Variants in LY9 observed in about 807,000 individuals in gnomAD.
The protein encoded by LY9 is lymphocyte antigen 9.
In LY9, 59 loss-of-function variants were observed where a neutral mutation model predicts 64.6. The ratio of observed to expected loss-of-function variants is 0.91; its 90% CI spans 0.74 to 1.13. LY9 has a LOEUF of 1.13. Among genes scored for constraint, LY9 ranks in the 50% most tolerant of loss-of-function variants. The pLI, the probability that LY9 is intolerant of heterozygous loss-of-function variation, is 0.00. For synonymous variants in LY9, 281 were observed against 308.5 expected, an observed-to-expected ratio of 0.91 and a Z score of 0.93; for missense variants, 789 against 797.2, an observed-to-expected ratio of 0.99 and a Z score of 0.12.
intron 2 of LY9, among the ~76,000 whole-genome samples, chr1:160,803,872 G>C (rs1371732074): frequency 2.0e-5 from 3 of 152,150 alleles, no homozygotes; most frequent in Non-Finnish European, 4.4e-5. Flanking sequence ...AGCTGGGCAT[G>C]GTGGCATGTG....
chr1:160,827,021 T>C (rs1217781235), intron 9 of LY9, among the ~76,000 whole-genome samples: 1 of 152,212 alleles, frequency 6.6e-6, no homozygotes, highest in African/African-American at 2.4e-5. Flanking sequence ...ACTTACAGTG[T>C]AAGTTGAAAT....
In LY9 at chr1:160,819,179, T is replaced by C; in HGVS notation, c.1445-142T>C. On this transcript the variant is annotated intron_variant, in intron 6 of 9. Coordinates refer to ENST00000263285, the MANE Select transcript of LY9 (RefSeq NM_002348.4). The stretch of plus-strand genomic sequence containing the variant: ...CCCTTCACATAGGCCTGGCTTCTCA[T>C]CAGGGTTCATCCTCCTTCCTGAAGC... 7 of 690,684 alleles carry C rather than the reference T, an allele frequency of 1.0e-5. No individual in the cohort carries two copies. In the South Asian group the frequency reaches 1.1e-4, roughly 11 times the overall value. 42.8% of individuals were successfully genotyped at this position (690,684 alleles called of 1,614,324 possible).
intron 8 of LY9, 121 bp downstream of exon 8, chr1:160,823,917 G>T: frequency 1.2e-6 from 1 of 828,872 alleles, no homozygotes; most frequent in Non-Finnish European, 1.9e-6. Flanking sequence ...AGGGGCATAC[G>T]GGCAGGGACT....
intron 7 of LY9, among the ~76,000 whole-genome samples, chr1:160,819,875 G>GGGAGGGAT: frequency 7.0e-6 from 1 of 143,224 alleles, no homozygotes; most frequent in African/African-American, 2.5e-5. Context: ...GAGGGAGGGA[G>GGGAGGGAT]GGAGGGAATC....
rs770002229 is a variant in LY9, at chr1:160,814,640, C to A, written c.951C>A (p.Ser317Arg). 7 of 1,614,066 alleles carry A rather than the reference C, an allele frequency of 4.3e-6. No individual in the cohort carries two copies. Among genetic ancestry groups the A allele is most frequent in the Non-Finnish European group, 5.9e-6 (7 of 1,179,974 alleles). The change falls in exon 4 of 10, where the codon AGC becomes AGA. Residue 317 changes from serine to arginine, a missense_variant. Coordinates refer to ENST00000263285, the MANE Select transcript of LY9 (RefSeq NM_002348.4). ...DPYKNRVWVSSQDCSLKISQL... is the reference protein window; with the variant it reads ...DPYKNRVWVSRQDCSLKISQL... ...ACAAGAACAGGGTGTGGGTCTCCAG[C>A]CAGGACTGCTCCCTGAAGATCAGCC...
chr1:160,823,685 T>C lies in LY9; in HGVS notation c.1719T>C (p.His573=). Residue 573 remains histidine (H), a synonymous_variant, in exon 8 of 10, where the codon CAT becomes CAC. Coordinates refer to ENST00000263285, the MANE Select transcript of LY9 (RefSeq NM_002348.4). ...AGGTCACTCAGGAGGGCGCTGGACATGACCCAGCCCCTGAGGGCCAAGCAG... is the reference window on the plus strand; with the variant it reads ...AGGTCACTCAGGAGGGCGCTGGACACGACCCAGCCCCTGAGGGCCAAGCAG... ...FDQVTQEGAG[H]DPAPEGQADY... 6.2e-7 allele frequency: 1 copy of C among 1,613,986 alleles called. No individual in the cohort carries two copies. Among genetic ancestry groups the C allele is most frequent in the Non-Finnish European group, 8.5e-7 (1 of 1,179,896 alleles).
At chr1:160,825,208 A>G in intron 9 of LY9, among the ~76,000 whole-genome samples, 1 of 130,156 alleles carries the variant, frequency 7.7e-6, no homozygotes, top group East Asian at 2.2e-4. Context: ...ACCATGTCTT[A>G]AAAAAAAAAA....
chr1:160,814,768 C>T lies in LY9; in HGVS notation c.1072+7C>T. On this transcript the variant is annotated splice_region_variant and intron_variant, in intron 4 of 9. Transcript: ENST00000263285. ...GTCACCCTGCTCATCTACCGTGAGT[C>T]TCTGGGCAGGGCACCCATCACCAGA... 1 of 1,606,830 alleles carries T rather than the reference C, an allele frequency of 6.2e-7. No homozygotes were observed. Among genetic ancestry groups the T allele is most frequent in the Middle Eastern group, 1.7e-4 (1 of 6,056 alleles).
rs1667799732 is a variant in LY9 at position 160,814,681 on chromosome 1, A to G, written c.992A>G (p.Asp331Gly). 1 of 1,614,012 alleles carries G rather than the reference A, an allele frequency of 6.2e-7. No individual in the cohort carries two copies. The highest frequency in any genetic ancestry group is 1.3e-5 in the African/African-American group (1 of 74,896). Residue 331 changes from aspartate to glycine, a missense_variant, in exon 4 of 10, where the codon GAC becomes GGC. Asp to Gly is a moderately conservative substitution (Grantham distance 94). Transcript: ENST00000263285. ...SLKISQLKIEDAGPYHAYVCS... is the reference protein window; with the variant it reads ...SLKISQLKIEGAGPYHAYVCS... ...AAGATCAGCCAGCTGAAGATAGAGG[A>G]CGCCGGCCCCTACCATGCCTACGTG...
At position 160,828,055 on chromosome 1, in the gene LY9, C is replaced by T. The variant is rs1368707134; in HGVS notation, c.*239C>T. Reference sequence around the variant, plus strand: ...CTTCAGATGTCTTTGCCCCATTTGTCACCTCGCACACTTATAGCGTTTCCT... The same window carrying T: ...CTTCAGATGTCTTTGCCCCATTTGTTACCTCGCACACTTATAGCGTTTCCT... On this transcript the variant is annotated 3_prime_UTR_variant, in exon 10 of 10. Coordinates refer to ENST00000263285, the MANE Select transcript of LY9 (RefSeq NM_002348.4). 6.1e-6 allele frequency: 2 copies of T among 326,464 alleles called. No homozygotes were observed. Among genetic ancestry groups the T allele is most frequent in the Non-Finnish European group, 5.6e-6 (1 of 177,166 alleles). 20.2% of individuals were successfully genotyped at this position (326,464 alleles called of 1,614,324 possible).
intron 2 of LY9, among the ~76,000 whole-genome samples, chr1:160,809,372 A>G (rs1667283883): frequency 6.7e-6 from 1 of 149,786 alleles, no homozygotes; most frequent in African/African-American, 2.5e-5. Context: ...TACTACTACT[A>G]TTACCAGTAT....
intron 5 of LY9, 139 bp downstream of exon 5, chr1:160,817,002 G>A: frequency 1.4e-6 from 1 of 731,324 alleles, no homozygotes; most frequent in Non-Finnish European, 2.3e-6. Flanking sequence ...ACAGATATAT[G>A]AGAGTCACGC....
chr1:160,797,066 A>G (rs1240617970), intron 1 of LY9: 3 of 978,760 alleles, frequency 3.1e-6, no homozygotes, highest in Non-Finnish European at 3.6e-6. Flanking sequence ...GGTGGCGTTT[A>G]TCTGGATATC....
intron 1 of LY9, chr1:160,797,341 C>T: frequency 1.1e-6 from 1 of 938,890 alleles, no homozygotes; most frequent in South Asian, 5.0e-5. Flanking sequence ...TTTAGAAACA[C>T]TCCTAGATGC....
intron 5 of LY9, among the ~76,000 whole-genome samples, chr1:160,817,429 C>T (rs567750181): frequency 5.3e-5 from 8 of 152,146 alleles, no homozygotes; most frequent in Non-Finnish European, 1.0e-4. Flanking sequence ...ACTTCAAGGG[C>T]TTATGCATAG....
At chr1:160,806,715 A>G (rs1384009366) in intron 2 of LY9, among the ~76,000 whole-genome samples, 1 of 152,140 alleles carries the variant, frequency 6.6e-6, no homozygotes, top group Non-Finnish European at 1.5e-5. Flanking sequence ...ATCTTTTTGC[A>G]TTGTATTTTC....
chr1:160,816,005 GT>G (rs1447573044), intron 4 of LY9, among the ~76,000 whole-genome samples: 6 of 152,320 alleles, frequency 3.9e-5, no homozygotes, highest in Non-Finnish European at 8.8e-5. Flanking sequence ...CACTATCATG[GT>G]TTTGTTAAAA....
At chr1:160,796,820 T>G (rs1665924933) in intron 1 of LY9, among the ~76,000 whole-genome samples, 1 of 152,180 alleles carries the variant, frequency 6.6e-6, no homozygotes, top group South Asian at 2.1e-4. Flanking sequence ...TCTCTTGCCC[T>G]CACATTTTCC....
intron 7 of LY9, among the ~76,000 whole-genome samples, chr1:160,823,045 T>G (rs1668595841): frequency 6.6e-6 from 1 of 152,160 alleles, no homozygotes; most frequent in Non-Finnish European, 1.5e-5. Flanking sequence ...ACTCTGCACT[T>G]TCCTCATACG....
Sources: allele counts gnomAD v4.1 joint callset (sites outside exome capture counted in the v4.1 genomes callset), GRCh38; gene constraint gnomAD v4.1.1; transcripts MANE v1.5; gene names NCBI Gene and HGNC (gene_info 2026-07-23, HGNC 2026-07-21).